The following SP4 variants were observed in gnomAD, a reference collection of about 807,000 sequenced individuals.
The protein encoded by SP4 is transcription factor Sp4.
SP4 carries 19 observed loss-of-function variants against 72.8 expected under a neutral mutation model. The observed-to-expected ratio is 0.26, with a 90% confidence interval of 0.18 to 0.38. The LOEUF (loss-of-function observed/expected upper bound fraction) is 0.38. Ranked by LOEUF, SP4 falls within the 10% of genes least tolerant of loss-of-function variation. SP4 has a pLI of 1.00. For missense variants in SP4, 1,008 were observed against 926.3 expected (o/e 1.09, Z -1.14); for synonymous variants, 395 against 333.1 (o/e 1.19, Z -2.02).
At chr7:21,436,856 A>T (rs1275558515) in intron 3 of SP4, among the ~76,000 whole-genome samples, 2 of 152,202 alleles carry the variant, frequency 1.3e-5, no homozygotes, top group East Asian at 3.8e-4. Context: ...TCTTTCTCCC[A>T]CCTTCTTTCC....
intron 5 of SP4, among the ~76,000 whole-genome samples, chr7:21,501,284 A>G (rs1781856174): frequency 6.6e-6 from 1 of 151,688 alleles, no homozygotes; most frequent in Non-Finnish European, 1.5e-5. Flanking sequence ...GCTGGTTGCC[A>G]GTATATTTAG....
intron 5 of SP4, among the ~76,000 whole-genome samples, chr7:21,485,293 A>G (rs1784783282): frequency 6.6e-6 from 1 of 151,944 alleles, no homozygotes; most frequent in Non-Finnish European, 1.5e-5. Context: ...GAATGGAGTT[A>G]TTTGTATTCA....
chr7:21,463,736 G>C (rs1784074626), intron 3 of SP4, among the ~76,000 whole-genome samples: 1 of 152,356 alleles, frequency 6.6e-6, no homozygotes, highest in Non-Finnish European at 1.5e-5. Context: ...GTGTCTGTAG[G>C]AGACATCTGA....
chr7:21,514,183 G>A lies in SP4; in HGVS notation c.*2914G>A, dbSNP rs1782211781. 6.6e-6 allele frequency: 1 copy of A among 152,578 alleles called. No individual in the cohort carries two copies. Among genetic ancestry groups the A allele is most frequent in the Non-Finnish European group, 1.5e-5 (1 of 67,988 alleles). The allele number at this position is 152,578 out of a possible 1,614,324, so 9.5% of individuals were successfully genotyped here. ...GTTGCTGATTACATTAGAACTTGAT[G>A]TTAAGTCATTTATCACACTCTCATG... On this transcript the variant is annotated 3_prime_UTR_variant, in exon 6 of 6. Transcript: ENST00000222584.
chr7:21,462,810 C>G (rs28661383), intron 3 of SP4, among the ~76,000 whole-genome samples: 3,255 of 152,208 alleles, frequency 0.021, 121 homozygotes, highest in African/African-American at 0.073. Context: ...GGTAGTATGT[C>G]AGCAGCTAAG....
At chr7:21,510,549 C>T (rs1782115052) in intron 5 of SP4, among the ~76,000 whole-genome samples, 2 of 152,172 alleles carry the variant, frequency 1.3e-5, no homozygotes, top group East Asian at 1.9e-4. Context: ...TTGTAAAGAA[C>T]TCAGTATGCT....
In SP4 at chr7:21,511,383, G is replaced by A; in HGVS notation, c.*114G>A. 8.9e-7 allele frequency: 1 copy of A among 1,118,124 alleles called. No individual in the cohort carries two copies. The highest frequency in any genetic ancestry group is 2.4e-5 in the Admixed American group (1 of 41,572). The allele number at this position is 1,118,124 out of a possible 1,614,324, so 69.3% of individuals were successfully genotyped here. On this transcript the variant is annotated 3_prime_UTR_variant, in exon 6 of 6. Coordinates refer to ENST00000222584, the MANE Select transcript of SP4 (RefSeq NM_003112.5). Reference sequence around the variant, plus strand: ...GTAGGAAATTATGTTTTCATTCTTGGCTTCTTTAAGTATTCCAGGGTTTGG... The same window carrying A: ...GTAGGAAATTATGTTTTCATTCTTGACTTCTTTAAGTATTCCAGGGTTTGG...
intron 5 of SP4, among the ~76,000 whole-genome samples, chr7:21,491,702 T>G (rs1784983581): frequency 6.6e-6 from 1 of 152,220 alleles, no homozygotes; most frequent in South Asian, 2.1e-4. Flanking sequence ...GGCGGATTTC[T>G]TCTTAGAAAC....
chr7:21,449,678 A>G (rs925186057), intron 3 of SP4, among the ~76,000 whole-genome samples: 7 of 152,194 alleles, frequency 4.6e-5, no homozygotes, highest in Non-Finnish European at 8.8e-5. Context: ...TTTACAGATC[A>G]TCTTTGGTTC....
intron 5 of SP4, among the ~76,000 whole-genome samples, chr7:21,494,450 T>G (rs1785055913): frequency 6.6e-6 from 1 of 152,186 alleles, no homozygotes; most frequent in African/African-American, 2.4e-5. Context: ...ACAGGATAAA[T>G]GTACAACAGT....
At chr7:21,479,341 G>A (rs754056032) in intron 4 of SP4, among the ~76,000 whole-genome samples, 2 of 151,134 alleles carry the variant, frequency 1.3e-5, no homozygotes, top group East Asian at 1.9e-4. Context: ...TAATTTTTAC[G>A]TATGGTGTTA....
At chr7:21,472,774 TAAAAAA>T (rs138593123) in intron 3 of SP4, among the ~76,000 whole-genome samples, 3 of 144,754 alleles carry the variant, frequency 2.1e-5, no homozygotes, top group Non-Finnish European at 4.5e-5. Context: ...CCCCATCTCT[TAAAAAA>T]AAAGAAAAAA....
intron 5 of SP4, among the ~76,000 whole-genome samples, chr7:21,502,044 C>CT (rs994547937): frequency 2.8e-5 from 3 of 108,644 alleles, no homozygotes; most frequent in Admixed American, 9.2e-5. Flanking sequence ...TTAGGCACCC[C>CT]CCCCCCCCCG....
At chr7:21,501,218 G>T (rs188492190) in intron 5 of SP4, among the ~76,000 whole-genome samples, 1 of 151,946 alleles carries the variant, frequency 6.6e-6, no homozygotes, top group African/African-American at 2.4e-5. Context: ...TCTACATTCT[G>T]TTTGCTCATT....
chr7:21,451,942 G>T (rs1005952677), intron 3 of SP4, among the ~76,000 whole-genome samples: 1 of 152,182 alleles, frequency 6.6e-6, no homozygotes, highest in Non-Finnish European at 1.5e-5. Context: ...ACCTGGGTGC[G>T]TGGGGTTGCT....
chr7:21,475,098 CTTTTTTT>C (rs923029600), intron 3 of SP4, among the ~76,000 whole-genome samples: 1 of 151,172 alleles, frequency 6.6e-6, no homozygotes, highest in African/African-American at 2.4e-5. Flanking sequence ...CTCCCCCACC[CTTTTTTT>C]GTTTTTTGTT....
At chr7:21,450,363 T>C (rs893613532) in intron 3 of SP4, among the ~76,000 whole-genome samples, 1 of 152,222 alleles carries the variant, frequency 6.6e-6, no homozygotes, top group Admixed American at 6.5e-5. Context: ...TTTGTTTTTT[T>C]AATTTTAGGG....
At chr7:21,432,822 C>T (rs569467747) in intron 3 of SP4, among the ~76,000 whole-genome samples, 26 of 152,144 alleles carry the variant, frequency 1.7e-4, no homozygotes, top group Admixed American at 5.2e-4. Context: ...AGGGAGACCC[C>T]GTCTCTACAA....
rs1784658374 is a variant in SP4, at chr7:21,480,621, GGTCA to G, written c.1908-1299_1908-1296del. On this transcript the variant is annotated intron_variant, in intron 4 of 5. Coordinates refer to ENST00000222584, the MANE Select transcript of SP4 (RefSeq NM_003112.5). ...CTAATAATTTGAGTCCTACTTTCTTGGTCAGTCTAGCTAAAAGTTTGTTAGTTTT... is the reference window on the plus strand; with the variant it reads ...CTAATAATTTGAGTCCTACTTTCTTGGTCTAGCTAAAAGTTTGTTAGTTTT... Among the ~76,000 whole-genome samples, 3 of 152,094 alleles carry G rather than the reference GGTCA, an allele frequency of 2.0e-5. No homozygotes were observed. The East Asian group carries it at 5.8e-4, about 29-fold the overall frequency.
Sources: gnomAD v4.1 joint callset for allele counts (sites outside exome capture counted in the v4.1 genomes callset) on GRCh38, gnomAD v4.1.1 for gene constraint, MANE v1.5 for transcripts, NCBI Gene and HGNC (gene_info 2026-07-23, HGNC 2026-07-21) for gene names.